The following EML6 variants were observed in gnomAD, a reference collection of about 807,000 sequenced individuals.
EML6 encodes the protein echinoderm microtubule-associated protein-like 6.
In EML6, 154 loss-of-function variants were observed where a neutral mutation model predicts 240.1. That is an observed-to-expected ratio of 0.64 (90% CI 0.56 to 0.73). The LOEUF is 0.73. Ranked by LOEUF, EML6 falls within the 30% of genes least tolerant of loss-of-function variation. The probability of loss-of-function intolerance (pLI) is 0.00; values close to 1 mark genes in which losing one functional copy is unlikely to be tolerated. For synonymous variants in EML6, 1,148 were observed against 899.0 expected, an observed-to-expected ratio of 1.28 and a Z score of -4.95; for missense variants, 2,964 against 2,474.6, an observed-to-expected ratio of 1.20 and a Z score of -4.20.
intron 2 of EML6, among the ~76,000 whole-genome samples, chr2:54,794,317 C>T (rs1669635355): frequency 6.6e-6 from 1 of 152,180 alleles, no homozygotes; most frequent in Non-Finnish European, 1.5e-5. Context: ...GGCATTAAAA[C>T]ACCAATTCAT....
At chr2:54,911,115 C>A in intron 25 of EML6, 73 bp downstream of exon 25, 1 of 738,112 alleles carries the variant, frequency 1.4e-6, no homozygotes, top group Non-Finnish European at 2.3e-6. Flanking sequence ...TAAAACCTAT[C>A]ACGTTAACCA....
In EML6 at chr2:54,820,423, G is replaced by A. The variant is rs370303735; in HGVS notation, c.486G>A (p.Gln162=). The part of the protein sequence containing the change: ...RIFDISWDPY[Q]PNRVVSCGVK... Reference sequence around the variant, plus strand: ...TTGATATTTCCTGGGATCCATATCAGCCAAACAGAGTGGTTAGCTGTGGAG... The same window carrying A: ...TTGATATTTCCTGGGATCCATATCAACCAAACAGAGTGGTTAGCTGTGGAG... The change falls in exon 5 of 42, where the codon CAG becomes CAA. Residue 162 remains glutamine (Q), a synonymous_variant. Transcript: ENST00000356458. 2.7e-4 allele frequency: 415 copies of A among 1,550,268 alleles called. No individual in the cohort carries two copies. Among genetic ancestry groups the A allele is most frequent in the Non-Finnish European group, 3.5e-4 (402 of 1,145,996 alleles).
intron 16 of EML6, among the ~76,000 whole-genome samples, chr2:54,878,447 T>C (rs1671622909): frequency 6.6e-6 from 1 of 152,234 alleles, no homozygotes; most frequent in African/African-American, 2.4e-5. Flanking sequence ...GAGATGGTTC[T>C]GTGTTGAATC....
intron 12 of EML6, among the ~76,000 whole-genome samples, chr2:54,863,130 C>T (rs1395133385): frequency 6.6e-6 from 1 of 152,162 alleles, no homozygotes; most frequent in African/African-American, 2.4e-5. Flanking sequence ...GACAAGAGTT[C>T]TGTGGTGGTT....
intron 2 of EML6, among the ~76,000 whole-genome samples, chr2:54,757,420 C>T: frequency 6.6e-6 from 1 of 152,176 alleles, no homozygotes; most frequent in South Asian, 2.1e-4. Context: ...GGGGCATTTT[C>T]TCTTGTGTTG....
chr2:54,725,098 C>G lies in EML6; in HGVS notation c.37C>G (p.Leu13Val), dbSNP rs1239045514. Residue 13 changes from leucine (L) to valine (V), a missense_variant, in exon 2 of 42, where the codon CTG (leucine) becomes GTG (valine). Transcript: ENST00000356458. This position sits in a 1 kb window ranked among gnomAD's most constrained non-coding sequence, Gnocchi z 4.3. ...GACGGCGCCCCGCTGCCAGCTCCGG[C>G]TGGAGTGGGTGTACGGGTACCGGGG... ...DRTAPRCQLR[L>V]EWVYGYRGHQ... 3.9e-6 allele frequency: 6 copies of G among 1,531,936 alleles called. No individual in the cohort carries two copies. The highest frequency in any genetic ancestry group is 5.3e-6 in the Non-Finnish European group (6 of 1,138,678). 94.9% of individuals were successfully genotyped at this position (1,531,936 alleles called of 1,614,324 possible).
intron 7 of EML6, 100 bp from the exon 8 acceptor site, chr2:54,843,947 G>A: frequency 3.4e-6 from 3 of 879,318 alleles, no homozygotes; most frequent in Admixed American, 2.1e-5. Context: ...TGGTTAAAGG[G>A]CATTTACTTT....
Position 54,879,558 on chromosome 2 carries a change from T to C in EML6, c.2356T>C (p.Cys786Arg), listed in dbSNP as rs1397720615. The C allele has an allele frequency of 1.9e-6, 3 of 1,551,136 alleles. No homozygotes were observed. The highest frequency in any genetic ancestry group is 2.6e-6 in the Non-Finnish European group (3 of 1,146,394). Residue 786 changes from cysteine to arginine, a missense_variant, in exon 17 of 42, where the codon TGT (cysteine) becomes CGT (arginine). Physicochemically the swap from Cys to Arg is radical, Grantham distance 180 (BLOSUM62 -3). Coordinates refer to ENST00000356458, the MANE Select transcript of EML6 (RefSeq NM_001039753.4). The part of the protein sequence containing the change: ...CALDFSADGK[C>R]LVSVGLDDFH... Reference sequence around the variant, plus strand: ...TTGTTTTCATACAGCCGATGGAAAATGTCTGGTGTCGGTTGGTTTAGACGA... The same window carrying C: ...TTGTTTTCATACAGCCGATGGAAAACGTCTGGTGTCGGTTGGTTTAGACGA...
intron 2 of EML6, among the ~76,000 whole-genome samples, chr2:54,742,337 C>T (rs999732175): frequency 6.6e-6 from 1 of 152,204 alleles, no homozygotes; most frequent in Non-Finnish European, 1.5e-5. Flanking sequence ...TATGTGTCTC[C>T]ATGTTACTGC....
intron 2 of EML6, among the ~76,000 whole-genome samples, chr2:54,742,271 C>G (rs371378292): frequency 1.3e-5 from 2 of 152,134 alleles, no homozygotes; most frequent in African/African-American, 2.4e-5. Flanking sequence ...TCTGTTTCCC[C>G]GACTTTCCTA....
At chr2:54,849,275 T>G (rs77841174) in intron 9 of EML6, among the ~76,000 whole-genome samples, 6,022 of 152,276 alleles carry the variant, frequency 0.04, 411 homozygotes, top group African/African-American at 0.13. Context: ...GCTAGAGACA[T>G]TTGAATTATT....
At chr2:54,953,657 C>T (rs1011442434) in intron 31 of EML6, among the ~76,000 whole-genome samples, 5 of 152,058 alleles carry the variant, frequency 3.3e-5, no homozygotes, top group Admixed American at 6.5e-5. Context: ...CTTTGGGAGG[C>T]GGGCGGATCA....
At chr2:54,859,388 G>T in intron 11 of EML6, 146 bp from the exon 12 acceptor site, 1 of 647,124 alleles carries the variant, frequency 1.5e-6, no homozygotes, top group Non-Finnish European at 2.6e-6. Context: ...GAAGCATTTG[G>T]TTATTTGTTA....
chr2:54,948,159 C>T (rs1333435826), intron 28 of EML6, among the ~76,000 whole-genome samples: 1 of 152,192 alleles, frequency 6.6e-6, no homozygotes, highest in African/African-American at 2.4e-5. Flanking sequence ...GCGTACTCCT[C>T]TAGGATTCCA....
intron 11 of EML6, among the ~76,000 whole-genome samples, chr2:54,856,873 G>T (rs1457514785): frequency 6.6e-6 from 1 of 152,190 alleles, no homozygotes; most frequent in Non-Finnish European, 1.5e-5. Flanking sequence ...TTCAAGTAGA[G>T]AAGTTATTGC....
chr2:54,936,424 G>A (rs554271422), intron 28 of EML6, among the ~76,000 whole-genome samples: 46 of 152,144 alleles, frequency 3.0e-4, no homozygotes, highest in Non-Finnish European at 5.4e-4. Flanking sequence ...TCACTTAACC[G>A]GCCACATAGG....
At chr2:54,922,864 A>G (rs1188825852) in intron 26 of EML6, among the ~76,000 whole-genome samples, 10 of 150,934 alleles carry the variant, frequency 6.6e-5, no homozygotes, top group African/African-American at 2.4e-4. Flanking sequence ...AGAAGTAGAG[A>G]GTAGAAGGGT....
chr2:54,729,239 T>A (rs747989055), intron 2 of EML6, among the ~76,000 whole-genome samples: 7 of 152,240 alleles, frequency 4.6e-5, no homozygotes, highest in Non-Finnish European at 8.8e-5. Flanking sequence ...AAGCCCTATC[T>A]GCTGCAGTCT....
chr2:54,899,102 C>A (rs990677080), intron 21 of EML6, among the ~76,000 whole-genome samples: 1 of 152,164 alleles, frequency 6.6e-6, no homozygotes, highest in Non-Finnish European at 1.5e-5. Flanking sequence ...GAAAATTTAG[C>A]TTCCTTTACT....
Sources: gnomAD v4.1 joint callset for allele counts (sites outside exome capture counted in the v4.1 genomes callset) on GRCh38, gnomAD v4.1.1 for gene constraint, Gnocchi (gnomAD v3.1) non-coding constraint, MANE v1.5 for transcripts, NCBI Gene and HGNC (gene_info 2026-07-23, HGNC 2026-07-21) for gene names.